Variants in DISC1 observed in about 807,000 individuals in gnomAD.
DISC1 encodes disrupted in schizophrenia 1 protein.
In DISC1, 57 loss-of-function variants were observed where a neutral mutation model predicts 84.5. The observed-to-expected ratio is 0.67, with a 90% CI of 0.55 to 0.84. The LOEUF is 0.84. Among genes scored for constraint, DISC1 ranks in the 40% least tolerant of loss-of-function variants. The pLI, the probability that DISC1 is intolerant of heterozygous loss-of-function variation, is 0.00. For synonymous variants in DISC1, 411 were observed against 415.2 expected (o/e 0.99, Z 0.12); for missense variants, 1,000 against 1,057.8 (o/e 0.95, Z 0.76).
At chr1:231,787,729 A>G (rs1189265782) in intron 6 of DISC1, among the ~76,000 whole-genome samples, 2 of 152,230 alleles carry the variant, frequency 1.3e-5, no homozygotes, top group Admixed American at 6.5e-5. Flanking sequence ...TTTTGGAGCC[A>G]TCTTCTGATC....
chr1:231,734,342 G>A (rs1417318066), intron 3 of DISC1, among the ~76,000 whole-genome samples: 2 of 152,150 alleles, frequency 1.3e-5, no homozygotes, highest in Admixed American at 6.5e-5. Flanking sequence ...TGTTTGAAGT[G>A]GTGGGGCAAT....
intron 9 of DISC1, among the ~76,000 whole-genome samples, chr1:231,846,542 C>G (rs1456179886): frequency 6.6e-6 from 1 of 152,200 alleles, no homozygotes; most frequent in African/African-American, 2.4e-5. Flanking sequence ...CTTGCTTCTA[C>G]AATGCCAGTG....
chr1:231,845,760 G>A (rs994195895), intron 9 of DISC1, among the ~76,000 whole-genome samples: 4 of 152,110 alleles, frequency 2.6e-5, no homozygotes, highest in Non-Finnish European at 5.9e-5. Flanking sequence ...GTTGAGGGGT[G>A]GGTGGCTGGA....
chr1:231,663,167 TG>T (rs2061704035), intron 1 of DISC1, among the ~76,000 whole-genome samples: 1 of 152,170 alleles, frequency 6.6e-6, no homozygotes, highest in South Asian at 2.1e-4. Flanking sequence ...AGAGCTTTGG[TG>T]TCTACACTAA....
At position 231,795,112 on chromosome 1, in the gene DISC1, A is replaced by T. The variant is rs1432309520; in HGVS notation, c.1635-130A>T. 5.8e-6 allele frequency: 5 copies of T among 859,994 alleles called. No individual in the cohort carries two copies. The Admixed American group carries it at 6.0e-5, about 10-fold the overall frequency. The allele number at this position is 859,994 out of a possible 1,614,324, so 53.3% of individuals were successfully genotyped here. Reference sequence around the variant, plus strand: ...CGTAGTCAAATGGAGCCAATTTGGCATCATCTTTCCTCCTGCACTTCTTCG... The same window carrying T: ...CGTAGTCAAATGGAGCCAATTTGGCTTCATCTTTCCTCCTGCACTTCTTCG... On this transcript the variant is annotated intron_variant, in intron 6 of 12. Coordinates refer to ENST00000439617, the MANE Select transcript of DISC1 (RefSeq NM_018662.3).
intron 1 of DISC1, among the ~76,000 whole-genome samples, chr1:231,659,599 T>A (rs2061412440): frequency 6.6e-6 from 1 of 152,202 alleles, no homozygotes; most frequent in Non-Finnish European, 1.5e-5. Context: ...TTCTAGCTTT[T>A]GATGTGGGCA....
intron 3 of DISC1, among the ~76,000 whole-genome samples, chr1:231,729,709 G>GTT (rs368321722): frequency 3.0e-4 from 42 of 139,030 alleles, no homozygotes; most frequent in Non-Finnish European, 4.7e-4. Flanking sequence ...ATCCTCTAGG[G>GTT]TTTTTTTTTT....
intron 11 of DISC1, among the ~76,000 whole-genome samples, chr1:232,024,538 C>A (rs1338784769): frequency 6.6e-6 from 1 of 151,828 alleles, no homozygotes; most frequent in African/African-American, 2.4e-5. Flanking sequence ...TTCATTGTAT[C>A]TTTTGTAGTA....
intron 2 of DISC1, among the ~76,000 whole-genome samples, chr1:231,699,020 A>C (rs921868496): frequency 6.6e-6 from 1 of 152,206 alleles, no homozygotes; most frequent in Non-Finnish European, 1.5e-5. Context: ...TCAACACAAC[A>C]AAATTGTGTT....
chr1:231,703,358 T>C (rs1169012530), intron 3 of DISC1, among the ~76,000 whole-genome samples: 1 of 152,176 alleles, frequency 6.6e-6, no homozygotes, highest in East Asian at 1.9e-4. Context: ...CGTCAGTGGC[T>C]TCAGCCCGGG....
At chr1:231,904,516 G>A (rs2088471428) in intron 9 of DISC1, among the ~76,000 whole-genome samples, 1 of 152,162 alleles carries the variant, frequency 6.6e-6, no homozygotes, top group African/African-American at 2.4e-5. Flanking sequence ...GGAACCCTGT[G>A]TTATGAGAGT....
chr1:231,827,136 C>A (rs1287222236), intron 9 of DISC1, among the ~76,000 whole-genome samples: 1 of 151,992 alleles, frequency 6.6e-6, no homozygotes, highest in South Asian at 2.1e-4. Flanking sequence ...TACAGGCGCC[C>A]GCCACCATGC....
intron 1 of DISC1, among the ~76,000 whole-genome samples, chr1:231,657,935 T>C (rs960423119): frequency 2.6e-5 from 4 of 152,266 alleles, no homozygotes. Context: ...AGCTTTGTTC[T>C]TTTTGATTAT....
rs559586748 is a variant in DISC1, at chr1:231,693,880, G to A, written c.122G>A (p.Arg41Gln). ...TGCTTTCGGAGGCGGCGGCTGGCAC[G>A]GAGGCCGGGCTACATGAGAAGCTCG... ...AACFRRRRLA[R>Q]RPGYMRSSTG... Residue 41 changes from arginine (R) to glutamine (Q), a missense_variant, in exon 2 of 13, where the codon CGG becomes CAG. Arg to Gln is a conservative substitution (Grantham distance 43). Coordinates refer to ENST00000439617, the MANE Select transcript of DISC1 (RefSeq NM_018662.3). 2.4e-5 allele frequency: 39 copies of A among 1,614,010 alleles called. 1 individual carries two copies. In the South Asian group the frequency reaches 3.1e-4, roughly 13 times the overall value.
chr1:231,820,359 G>A (rs1558607186), intron 9 of DISC1, among the ~76,000 whole-genome samples: 5 of 152,112 alleles, frequency 3.3e-5, no homozygotes. Context: ...AATTCAGAGG[G>A]AGCTCTGTGT....
At chr1:231,819,994 G>A (rs367698685) in intron 9 of DISC1, among the ~76,000 whole-genome samples, 5 of 152,152 alleles carry the variant, frequency 3.3e-5, no homozygotes, top group African/African-American at 7.2e-5. Context: ...ACTTCACTAA[G>A]TATTTTCACA....
At chr1:231,749,850 G>T in intron 3 of DISC1, 76 bp from the exon 4 acceptor site, 2 of 1,596,846 alleles carry the variant, frequency 1.3e-6, no homozygotes, top group Non-Finnish European at 1.7e-6. Flanking sequence ...TACAACTGGA[G>T]CTAAGAGACA....
chr1:231,989,544 A>G (rs889462101), intron 10 of DISC1, among the ~76,000 whole-genome samples: 1 of 152,230 alleles, frequency 6.6e-6, no homozygotes, highest in African/African-American at 2.4e-5. Flanking sequence ...CTATTTTGCT[A>G]CGAAGGAAAG....
At chr1:232,022,196 C>T (rs1669023182) in intron 11 of DISC1, among the ~76,000 whole-genome samples, 2 of 152,152 alleles carry the variant, frequency 1.3e-5, no homozygotes, top group African/African-American at 4.8e-5. Flanking sequence ...ACCACACCTA[C>T]ACTCTGCCAT....
Sources: gnomAD v4.1 joint callset for allele counts (sites outside exome capture counted in the v4.1 genomes callset) on GRCh38, gnomAD v4.1.1 for gene constraint, MANE v1.5 for transcripts, NCBI Gene and HGNC (gene_info 2026-07-23, HGNC 2026-07-21) for gene names.